Variants in KCND2 observed in about 807,000 individuals in gnomAD.
KCND2 encodes A-type voltage-gated potassium channel KCND2.
In KCND2, 16 loss-of-function variants were observed where a neutral mutation model predicts 54.4. The ratio of observed to expected loss-of-function variants is 0.29; its 90% CI spans 0.20 to 0.45. KCND2 has a LOEUF of 0.45. Ranked by LOEUF, KCND2 falls within the 20% of genes least tolerant of loss-of-function variation. The pLI, the probability that KCND2 is intolerant of heterozygous loss-of-function variation, is 1.00. For synonymous variants in KCND2, 317 were observed against 310.7 expected, an observed-to-expected ratio of 1.02 and a Z score of -0.21; for missense variants, 486 against 824.2, an observed-to-expected ratio of 0.59 and a Z score of 5.02.
intron 1 of KCND2, among the ~76,000 whole-genome samples, chr7:120,502,273 T>C (rs1802948008): frequency 6.6e-6 from 1 of 152,032 alleles, no homozygotes; most frequent in Non-Finnish European, 1.5e-5. Flanking sequence ...GTATTGCCTT[T>C]CTCCTCTCCT....
chr7:120,666,831 A>G (rs931098740), intron 1 of KCND2, among the ~76,000 whole-genome samples: 10 of 152,220 alleles, frequency 6.6e-5, no homozygotes, highest in African/African-American at 2.4e-4. Context: ...GAAAACAAAC[A>G]AAAATGGAAA....
intron 1 of KCND2, among the ~76,000 whole-genome samples, chr7:120,329,059 AT>A (rs1800023951): frequency 6.6e-6 from 1 of 152,214 alleles, no homozygotes; most frequent in East Asian, 1.9e-4. Context: ...TGTCATGGAA[AT>A]AAAATAACAT....
intron 1 of KCND2, among the ~76,000 whole-genome samples, chr7:120,470,479 T>G (rs2116259096): frequency 6.6e-6 from 1 of 152,256 alleles, no homozygotes; most frequent in South Asian, 2.1e-4. Flanking sequence ...TTTTATGTCC[T>G]AGATCTAGTG....
intron 1 of KCND2, among the ~76,000 whole-genome samples, chr7:120,618,828 A>T (rs1793061334): frequency 1.3e-5 from 2 of 152,182 alleles, no homozygotes; most frequent in South Asian, 2.1e-4. Flanking sequence ...AGAGATTTTT[A>T]AATTTTTTTC....
chr7:120,374,881 A>T (rs548740431), intron 1 of KCND2, among the ~76,000 whole-genome samples: 4 of 151,666 alleles, frequency 2.6e-5, no homozygotes, highest in Admixed American at 6.6e-5. Context: ...TTTTTTTCTG[A>T]TGAGCTTCAC....
chr7:120,390,861 C>T (rs546574367), intron 1 of KCND2, among the ~76,000 whole-genome samples: 1 of 152,014 alleles, frequency 6.6e-6, no homozygotes, highest in East Asian at 1.9e-4. Flanking sequence ...TAGTCAAAAA[C>T]TTGGTTATGG....
chr7:120,700,495 C>A (rs1444751640), intron 1 of KCND2, among the ~76,000 whole-genome samples: 1 of 152,210 alleles, frequency 6.6e-6, no homozygotes, highest in African/African-American at 2.4e-5. Flanking sequence ...CAGGCTATCT[C>A]TTAGTCTTTT....
chr7:120,688,417 C>T (rs947210805), intron 1 of KCND2, among the ~76,000 whole-genome samples: 1 of 152,088 alleles, frequency 6.6e-6, no homozygotes, highest in Non-Finnish European at 1.5e-5. Flanking sequence ...CCATATCAGC[C>T]ATTTAAAAAT....
chr7:120,507,175 GT>G (rs1803036909), intron 1 of KCND2, among the ~76,000 whole-genome samples: 2 of 151,860 alleles, frequency 1.3e-5, no homozygotes, highest in Non-Finnish European at 2.9e-5. Context: ...AGGAAAGAGA[GT>G]TTTTCTTAGT....
At chr7:120,685,575 C>G (rs1048584501) in intron 1 of KCND2, among the ~76,000 whole-genome samples, 11 of 152,174 alleles carry the variant, frequency 7.2e-5, no homozygotes, top group African/African-American at 2.4e-4. Flanking sequence ...CCAGCACCTG[C>G]TCTATGAGCT....
chr7:120,335,456 TTTACTTACTTAC>T (rs1161790755), intron 1 of KCND2, among the ~76,000 whole-genome samples: 9 of 138,848 alleles, frequency 6.5e-5, no homozygotes, highest in East Asian at 5.8e-4. Flanking sequence ...TATTTATTTA[TTTACTTACTTAC>T]TTATTTATTT....
intron 1 of KCND2, among the ~76,000 whole-genome samples, chr7:120,453,379 A>G (rs1239248617): frequency 2.0e-5 from 3 of 152,180 alleles, no homozygotes; most frequent in Non-Finnish European, 4.4e-5. Flanking sequence ...CTGCCACCAC[A>G]GTGAACCAGC....
intron 1 of KCND2, among the ~76,000 whole-genome samples, chr7:120,615,274 G>A (rs930657791): frequency 1.3e-5 from 2 of 152,124 alleles, no homozygotes; most frequent in South Asian, 2.1e-4. Flanking sequence ...CATCACCACT[G>A]ACAGTCCTCT....
At chr7:120,468,521 T>C (rs1375956188) in intron 1 of KCND2, among the ~76,000 whole-genome samples, 1 of 152,046 alleles carries the variant, frequency 6.6e-6, no homozygotes, top group Non-Finnish European at 1.5e-5. Flanking sequence ...TGCACAAAAC[T>C]CCCAAATTTA....
intron 1 of KCND2, among the ~76,000 whole-genome samples, chr7:120,325,031 G>T (rs1799954106): frequency 1.5e-5 from 2 of 137,724 alleles, no homozygotes; most frequent in East Asian, 2.2e-4. Flanking sequence ...TTGTAAGTTG[G>T]ATTCCTAGGT....
chr7:120,293,719 A>G (rs920574309), intron 1 of KCND2, among the ~76,000 whole-genome samples: 4 of 151,862 alleles, frequency 2.6e-5, no homozygotes, highest in Non-Finnish European at 2.9e-5. Flanking sequence ...CTTAACATAT[A>G]TTGTCTTTGA....
In KCND2 at chr7:120,288,094, G is replaced by A. The variant is rs1039621066; in HGVS notation, c.1115+12347G>A. Among the ~76,000 whole-genome samples the A allele has an allele frequency of 3.3e-5, 5 of 152,218 alleles. No homozygotes were observed. The South Asian group carries it at 6.2e-4, about 19-fold the overall frequency. On this transcript the variant is annotated intron_variant, in intron 1 of 5. Coordinates refer to ENST00000331113, the MANE Select transcript of KCND2 (RefSeq NM_012281.3). ...CTTCCTTTTGGGAATTTAGGATTGT[G>A]AGCTTTTAAAGCTACTGATTTTCTA...
At chr7:120,446,608 A>G (rs939716395) in intron 1 of KCND2, among the ~76,000 whole-genome samples, 3 of 152,158 alleles carry the variant, frequency 2.0e-5, no homozygotes, top group Non-Finnish European at 2.9e-5. Flanking sequence ...ACAAACATAT[A>G]CATTCACATA....
intron 1 of KCND2, among the ~76,000 whole-genome samples, chr7:120,325,021 TTGTA>T (rs1424560932): frequency 2.9e-5 from 4 of 135,744 alleles, no homozygotes; most frequent in Non-Finnish European, 1.6e-5. Context: ...TTCACATCCC[TTGTA>T]AGTTGGATTC....
Sources: allele counts gnomAD v4.1 joint callset (sites outside exome capture counted in the v4.1 genomes callset), GRCh38; gene constraint gnomAD v4.1.1; transcripts MANE v1.5; gene names NCBI Gene and HGNC (gene_info 2026-07-23, HGNC 2026-07-21).